GRK5: variants seen among roughly 807,000 people sequenced by gnomAD.
GRK5 encodes G protein-coupled receptor kinase 5.
A neutral mutation model predicts 78.4 loss-of-function variants in GRK5; 40 were observed. That is an observed-to-expected ratio of 0.51 (90% CI 0.40 to 0.66). The LOEUF (loss-of-function observed/expected upper bound fraction) is 0.66, where lower values mean the gene tolerates loss of function less well. Ranked by LOEUF, GRK5 falls within the 30% of genes least tolerant of loss-of-function variation. The pLI is 0.00. For missense variants in GRK5, 598 were observed against 759.9 expected (o/e 0.79, Z 2.50); for synonymous variants, 289 against 296.8 (o/e 0.97, Z 0.27).
chr10:119,384,321 A>AGG (rs1851759298), intron 3 of GRK5, among the ~76,000 whole-genome samples: 1 of 152,154 alleles, frequency 6.6e-6, no homozygotes, highest in African/African-American at 2.4e-5. Flanking sequence ...CATGCACCTG[A>AGG]GCCACACTGC....
intron 1 of GRK5, among the ~76,000 whole-genome samples, chr10:119,248,847 T>C (rs1849154480): frequency 6.6e-6 from 1 of 152,104 alleles, no homozygotes; most frequent in Non-Finnish European, 1.5e-5. Context: ...CAGAATTGAG[T>C]AGTTGTGACA....
At chr10:119,340,276 G>A (rs1006971494) in intron 2 of GRK5, among the ~76,000 whole-genome samples, 9 of 123,816 alleles carry the variant, frequency 7.3e-5, no homozygotes, top group African/African-American at 3.9e-4. Flanking sequence ...ACAGGTGTGC[G>A]CCACCACGCC....
intron 1 of GRK5, among the ~76,000 whole-genome samples, chr10:119,249,140 G>A (rs547253018): frequency 9.3e-4 from 142 of 152,122 alleles, no homozygotes; most frequent in Non-Finnish European, 1.7e-3. Context: ...GCATGGTGGC[G>A]GGTGCCTGTA....
intron 13 of GRK5, among the ~76,000 whole-genome samples, 177 bp downstream of exon 13, chr10:119,448,437 G>C (rs1398985520): frequency 6.6e-6 from 1 of 152,240 alleles, no homozygotes; most frequent in Non-Finnish European, 1.5e-5. Context: ...ACGCCAGGCA[G>C]TGCAGAAGAG....
intron 1 of GRK5, among the ~76,000 whole-genome samples, chr10:119,299,390 G>A (rs1048560880): frequency 3.3e-5 from 5 of 150,164 alleles, no homozygotes; most frequent in East Asian, 2.0e-4. Context: ...CCGAGATCAC[G>A]CCACTGCACT....
rs1235914164 is a variant in GRK5 at position 119,445,834 on chromosome 10, G to C, written c.1266+2082G>C. Among the ~76,000 whole-genome samples, 1 of 152,132 alleles carries C rather than the reference G, an allele frequency of 6.6e-6. No homozygotes were observed. The highest frequency in any genetic ancestry group is 2.4e-5 in the African/African-American group (1 of 41,432). ...TGGCTCCAGCCCTGCCTGCCTAAGA[G>C]GGTCCCTCCACAATCAGTGAGGAAG... On this transcript the variant is annotated intron_variant, in intron 12 of 15. Coordinates refer to ENST00000392870, the MANE Select transcript of GRK5 (RefSeq NM_005308.3). The surrounding 1 kb of genome is among the most constrained non-coding windows in gnomAD (Gnocchi z 4.1).
intron 1 of GRK5, among the ~76,000 whole-genome samples, chr10:119,225,463 G>A (rs1848719478): frequency 6.6e-6 from 1 of 152,038 alleles, no homozygotes; most frequent in South Asian, 2.1e-4. Context: ...GCTTGTTGTC[G>A]GGGACACTGT....
At chr10:119,269,234 G>A (rs539022936) in intron 1 of GRK5, among the ~76,000 whole-genome samples, 2 of 152,322 alleles carry the variant, frequency 1.3e-5, no homozygotes, top group Non-Finnish European at 2.9e-5. Flanking sequence ...GTTGAAGCAC[G>A]AGCCTCTTCT....
Position 119,443,458 on chromosome 10 carries a change from C to T in GRK5, c.1058-86C>T, listed in dbSNP as rs562413723. ...CAGTTGGTGGGGTAAGAGTTGGTGG[C>T]GGCCATGAAACTCCAGGCCTTCTGT... is the stretch of plus-strand genomic sequence containing the variant. On this transcript the variant is annotated intron_variant, in intron 11 of 15. Transcript: ENST00000392870. 124 of 1,244,680 alleles carry T rather than the reference C, an allele frequency of 1.0e-4. 1 individual carries two copies. The South Asian group carries it at 1.5e-3, about 15-fold the overall frequency. 77.1% of individuals were successfully genotyped at this position (1,244,680 alleles called of 1,614,324 possible).
At chr10:119,447,085 G>A (rs552435582) in intron 12 of GRK5, among the ~76,000 whole-genome samples, 31 of 152,334 alleles carry the variant, frequency 2.0e-4, no homozygotes, top group Middle Eastern at 3.4e-3. Flanking sequence ...GGGGCACTGG[G>A]AGTGCAGGTC....
chr10:119,380,119 C>G (rs117462686), intron 2 of GRK5, among the ~76,000 whole-genome samples: 3,109 of 152,252 alleles, frequency 0.02, 54 homozygotes, highest in Non-Finnish European at 0.034. Context: ...CATTAGGATG[C>G]TTTGAATTAG....
chr10:119,223,823 A>G (rs1848694486), intron 1 of GRK5, among the ~76,000 whole-genome samples: 1 of 151,904 alleles, frequency 6.6e-6, no homozygotes, highest in Non-Finnish European at 1.5e-5. Flanking sequence ...ACTGGAACTA[A>G]CGAGATGCTA....
chr10:119,346,006 C>A (rs1037739893), intron 2 of GRK5, among the ~76,000 whole-genome samples: 1 of 151,522 alleles, frequency 6.6e-6, no homozygotes, highest in African/African-American at 2.4e-5. Context: ...TCCCCCAAGG[C>A]CCTAGAGCAT....
At position 119,207,584 on chromosome 10, in the gene GRK5, G is replaced by T. The variant is rs1848405303; in HGVS notation, c.-334G>T. 3.5e-6 allele frequency: 1 copy of T among 285,202 alleles called. No homozygotes were observed. Among genetic ancestry groups the T allele is most frequent in the East Asian group, 1.2e-4 (1 of 8,048 alleles). 17.7% of individuals were successfully genotyped at this position (285,202 alleles called of 1,614,324 possible). A position where few individuals can be genotyped will look rare whatever the true frequency, so the allele number is the denominator to read the frequency against. ...CTGAGGGGAGGCAGAAGCATCCGAG[G>T]CATTAAAGCATCCGAGGGAGCCGGA... On this transcript the variant is annotated 5_prime_UTR_variant, in exon 1 of 16. Coordinates refer to ENST00000392870, the MANE Select transcript of GRK5 (RefSeq NM_005308.3).
At chr10:119,413,988 C>T (rs953755999) in intron 4 of GRK5, among the ~76,000 whole-genome samples, 2 of 152,206 alleles carry the variant, frequency 1.3e-5, no homozygotes, top group Non-Finnish European at 2.9e-5. Context: ...AGTGCCCCTC[C>T]TCTGTTCCCG....
intron 2 of GRK5, among the ~76,000 whole-genome samples, chr10:119,370,280 C>G (rs1429433554): frequency 1.3e-5 from 2 of 152,186 alleles, no homozygotes; most frequent in Non-Finnish European, 2.9e-5. Flanking sequence ...GCCCAGACAC[C>G]CTGCGATTCA....
chr10:119,259,692 G>A (rs1227320810), intron 1 of GRK5, among the ~76,000 whole-genome samples: 1 of 152,214 alleles, frequency 6.6e-6, no homozygotes, highest in Non-Finnish European at 1.5e-5. Flanking sequence ...TGATGGAAAT[G>A]TTCTGTATAT....
chr10:119,436,327 C>G (rs944016765), intron 8 of GRK5, among the ~76,000 whole-genome samples: 4 of 152,276 alleles, frequency 2.6e-5, no homozygotes, highest in African/African-American at 9.6e-5. Flanking sequence ...ACCCTCCAGT[C>G]TTCCCCAGCT....
chr10:119,313,496 G>A (rs374413511), intron 1 of GRK5, among the ~76,000 whole-genome samples: 192 of 152,274 alleles, frequency 1.3e-3, no homozygotes, highest in Admixed American at 2.8e-3. Context: ...GAGAAAACAC[G>A]GAGGGACTTA....
Sources: allele counts gnomAD v4.1 joint callset (sites outside exome capture counted in the v4.1 genomes callset), GRCh38; gene constraint gnomAD v4.1.1; non-coding constraint Gnocchi (gnomAD v3.1); transcripts MANE v1.5; gene names NCBI Gene and HGNC (gene_info 2026-07-23, HGNC 2026-07-21).